Variants in COL21A1 observed in about 807,000 individuals in gnomAD.
COL21A1 encodes collagen alpha-1(XXI) chain.
In COL21A1, 149 loss-of-function variants were observed where a neutral mutation model predicts 137.9. The ratio of observed to expected loss-of-function variants is 1.08; its 90% CI spans 0.95 to 1.24. The LOEUF (loss-of-function observed/expected upper bound fraction) is 1.24. Among genes scored for constraint, COL21A1 ranks in the 50% most tolerant of loss-of-function variants. The pLI, the probability that COL21A1 is intolerant of heterozygous loss-of-function variation, is 0.00. For synonymous variants in COL21A1, 456 were observed against 391.5 expected (o/e 1.16, Z -1.95); for missense variants, 1,167 against 1,158.4 (o/e 1.01, Z -0.11).
rs551812285 is a variant in COL21A1 at position 56,166,845 on chromosome 6, T to C, written c.1278+61A>G. The C allele has an allele frequency of 1.3e-4, 155 of 1,231,636 alleles. No individual in the cohort carries two copies. The South Asian group carries it at 1.8e-3, about 15-fold the overall frequency. 76.3% of individuals were successfully genotyped at this position (1,231,636 alleles called of 1,614,324 possible). A position where few individuals can be genotyped will look rare whatever the true frequency, so the allele number is the denominator to read the frequency against. ...TAATACTCAGATAGTATCTGCTTTT[T>C]ATTTATTGCTTTGAAAGTACTAAAG... On this transcript the variant is annotated intron_variant, in intron 7 of 29. Transcript: ENST00000244728.
intron 10 of COL21A1, among the ~76,000 whole-genome samples, chr6:56,150,369 T>A (rs141038024): frequency 0.02 from 3,024 of 152,034 alleles, 63 homozygotes; most frequent in Non-Finnish European, 0.027. Flanking sequence ...ATACAAAAAA[T>A]TAGCAGGGCG....
At chr6:56,239,776 T>C (rs1295155631) in intron 1 of COL21A1, among the ~76,000 whole-genome samples, 2 of 152,146 alleles carry the variant, frequency 1.3e-5, no homozygotes, top group African/African-American at 2.4e-5. Context: ...CCCTCCAAAA[T>C]TTACATGATG....
intron 1 of COL21A1, among the ~76,000 whole-genome samples, chr6:56,388,650 T>C (rs1200708804): frequency 1.3e-5 from 2 of 152,212 alleles, no homozygotes; most frequent in Non-Finnish European, 2.9e-5. Context: ...TCTTTGAATA[T>C]GTCCTTCTCA....
At chr6:56,218,659 C>A (rs148025305) in intron 1 of COL21A1, among the ~76,000 whole-genome samples, 73 of 152,066 alleles carry the variant, frequency 4.8e-4, no homozygotes, top group African/African-American at 1.1e-3. Context: ...TTATTTTAGG[C>A]TATGGAAATG....
chr6:56,272,729 T>C (rs564385233), intron 1 of COL21A1, among the ~76,000 whole-genome samples: 1 of 152,258 alleles, frequency 6.6e-6, no homozygotes, highest in East Asian at 1.9e-4. Context: ...GAGGGAGTTC[T>C]CATGAGATCT....
At chr6:56,178,649 A>G (rs1777669192) in intron 3 of COL21A1, among the ~76,000 whole-genome samples, 1 of 152,042 alleles carries the variant, frequency 6.6e-6, no homozygotes, top group African/African-American at 2.4e-5. Context: ...TAAAAATAAG[A>G]GATACAAAAA....
intron 20 of COL21A1, among the ~76,000 whole-genome samples, chr6:56,072,731 C>T (rs992596193): frequency 1.3e-5 from 2 of 151,532 alleles, no homozygotes; most frequent in African/African-American, 4.8e-5. Flanking sequence ...TTGTATGGCT[C>T]TCTAAGCCTG....
intron 1 of COL21A1, among the ~76,000 whole-genome samples, chr6:56,254,011 AC>A (rs1440441734): frequency 6.6e-6 from 1 of 152,192 alleles, no homozygotes; most frequent in East Asian, 1.9e-4. Context: ...CTCAGAGACT[AC>A]TTGGAGATAA....
intron 1 of COL21A1, among the ~76,000 whole-genome samples, chr6:56,358,329 T>C (rs1430145137): frequency 6.6e-6 from 1 of 152,068 alleles, no homozygotes; most frequent in African/African-American, 2.4e-5. Flanking sequence ...TAATCTGAAA[T>C]TTTAATATGT....
chr6:56,128,511 T>C (rs1320761367), intron 12 of COL21A1, among the ~76,000 whole-genome samples: 1 of 152,188 alleles, frequency 6.6e-6, no homozygotes, highest in East Asian at 1.9e-4. Flanking sequence ...TTGGATGCTG[T>C]TCTAGATGTC....
chr6:56,316,477 CTTTTTTT>C (rs60388494), intron 1 of COL21A1, among the ~76,000 whole-genome samples: 1 of 75,786 alleles, frequency 1.3e-5, no homozygotes, highest in Non-Finnish European at 2.3e-5. Context: ...TCTAAATAGA[CTTTTTTT>C]TTTTTTTTTT....
chr6:56,235,184 C>T (rs1191063487), intron 1 of COL21A1, among the ~76,000 whole-genome samples: 1 of 151,676 alleles, frequency 6.6e-6, no homozygotes, highest in Non-Finnish European at 1.5e-5. Context: ...TCTGTATATG[C>T]AATAAAGAAA....
intron 1 of COL21A1, among the ~76,000 whole-genome samples, chr6:56,361,863 G>C (rs933482256): frequency 5.3e-5 from 8 of 152,290 alleles, no homozygotes; most frequent in Admixed American, 1.3e-4. Flanking sequence ...ACTGAAGCCT[G>C]TGTAAGGAAG....
intron 16 of COL21A1, among the ~76,000 whole-genome samples, chr6:56,116,786 CAAT>C (rs1440519400): frequency 3.3e-5 from 5 of 151,636 alleles, no homozygotes; most frequent in Non-Finnish European, 7.4e-5. Flanking sequence ...TAAATTGAAA[CAAT>C]AAAAAGTTAA....
chr6:56,223,798 CA>C (rs1356666316), intron 1 of COL21A1, among the ~76,000 whole-genome samples: 3 of 152,034 alleles, frequency 2.0e-5, no homozygotes, highest in Non-Finnish European at 4.4e-5. Context: ...TGATAGTCAC[CA>C]AAAGGCTTTC....
intron 1 of COL21A1, among the ~76,000 whole-genome samples, chr6:56,325,993 TATA>T (rs1327337650): frequency 6.3e-3 from 4 of 634 alleles, no homozygotes; most frequent in South Asian, 0.042. Context: ...AATATATGTA[TATA>T]CATACATATA....
chr6:56,333,951 G>A (rs934931105), intron 1 of COL21A1, among the ~76,000 whole-genome samples: 5 of 151,556 alleles, frequency 3.3e-5, no homozygotes, highest in African/African-American at 1.2e-4. Context: ...GCCCATTTCT[G>A]ATTCTGTTGT....
chr6:56,334,536 T>C lies in COL21A1; in HGVS notation c.-39+59435A>G, dbSNP rs1020579933. ...ATCATAAGTTAATTGTAAACTACAA[T>C]GAGATTAGTTTGTTTCCCATAGAAA... is the stretch of plus-strand genomic sequence containing the variant. On this transcript the variant is annotated intron_variant, in intron 1 of 28. Coordinates refer to the COL21A1 transcript ENST00000370819. 1.8e-4 allele frequency among the ~76,000 whole-genome samples: 28 copies of C among 152,102 alleles called. 1 individual carries two copies. Among genetic ancestry groups the C allele is most frequent in the Admixed American group, 1.8e-3 (27 of 15,260 alleles).
intron 17 of COL21A1, chr6:56,078,274 A>G (rs1055243291): frequency 6.6e-6 from 3 of 452,136 alleles, no homozygotes; most frequent in African/African-American, 6.0e-5. Flanking sequence ...GAAGAGTTCT[A>G]TTGTCTGCCT....
Sources: gnomAD v4.1 joint callset for allele counts (sites outside exome capture counted in the v4.1 genomes callset) on GRCh38, gnomAD v4.1.1 for gene constraint, MANE v1.5 for transcripts, NCBI Gene and HGNC (gene_info 2026-07-23, HGNC 2026-07-21) for gene names.